Variants in FKTN observed in about 807,000 individuals in gnomAD.
FKTN encodes the protein fukutin, also known as ribitol-5-phosphate transferase FKTN.
A neutral mutation model predicts 58.6 loss-of-function variants in FKTN; 47 were observed. The observed-to-expected ratio is 0.80, with a 90% CI of 0.63 to 1.02. The LOEUF (loss-of-function observed/expected upper bound fraction) is 1.02, where lower values mean the gene tolerates loss of function less well. FKTN is among the 50% of genes least tolerant of loss of function. The pLI, the probability that FKTN is intolerant of heterozygous loss-of-function variation, is 0.00. For missense variants in FKTN, 516 were observed against 537.3 expected (o/e 0.96, Z 0.39); for synonymous variants, 178 against 191.9 (o/e 0.93, Z 0.60).
At chr9:105,563,598 T>G (rs868694844) in intron 1 of FKTN, among the ~76,000 whole-genome samples, 8 of 139,322 alleles carry the variant, frequency 5.7e-5, no homozygotes, top group African/African-American at 1.3e-4. Flanking sequence ...GCAGCGAGGC[T>G]GGGGGGGGGG....
At chr9:105,563,873 C>G (rs937980086) in intron 1 of FKTN, among the ~76,000 whole-genome samples, 2 of 152,224 alleles carry the variant, frequency 1.3e-5, no homozygotes, top group Non-Finnish European at 2.9e-5. Flanking sequence ...GTCCCTGACC[C>G]TCAAGTAGCC....
At chr9:105,623,753 G>A (rs867627909) in intron 10 of FKTN, among the ~76,000 whole-genome samples, 1 of 152,112 alleles carries the variant, frequency 6.6e-6, no homozygotes, top group Non-Finnish European at 1.5e-5. Context: ...AGGATCTCAT[G>A]ATCTAGACCA....
At chr9:105,577,467 T>G (rs1841953559) in intron 3 of FKTN, among the ~76,000 whole-genome samples, 2 of 146,780 alleles carry the variant, frequency 1.4e-5, no homozygotes, top group African/African-American at 5.3e-5. Flanking sequence ...TTGTCAAAGA[T>G]CAGATAGTTG....
rs561736882 is a variant in FKTN, at chr9:105,640,814, C to A, written c.*5550C>A. On this transcript the variant is annotated 3_prime_UTR_variant, in exon 11 of 11. Coordinates refer to ENST00000357998, the MANE Select transcript of FKTN (RefSeq NM_001079802.2). ...TGAAAAAAATAACAGGATTTTACAG[C>A]CTTCTGATGATTCATTCAAAGCATG... is the stretch of plus-strand genomic sequence containing the variant. 6.6e-6 allele frequency: 1 copy of A among 152,094 alleles called. No homozygotes were observed. Among genetic ancestry groups the A allele is most frequent in the African/African-American group, 2.4e-5 (1 of 41,416 alleles). The allele number at this position is 152,094 out of a possible 1,614,324, so 9.4% of individuals were successfully genotyped here. A position where few individuals can be genotyped will look rare whatever the true frequency, so the allele number is the denominator to read the frequency against.
rs775226181 is a variant in FKTN at position 105,601,128 on chromosome 9, C to T, written c.166-17C>T. On this transcript the variant is annotated splice_polypyrimidine_tract_variant and intron_variant, in intron 4 of 10. Coordinates refer to ENST00000357998, the MANE Select transcript of FKTN (RefSeq NM_001079802.2). ...TTGGCTTACTGGAATTACGAGAATT[C>T]TTTTTCTCTCAAACAGCGTGCAGTT... 4 of 1,453,130 alleles carry T rather than the reference C, an allele frequency of 2.8e-6. No homozygotes were observed. In the East Asian group the frequency reaches 9.1e-5, roughly 33 times the overall value. 90.0% of individuals were successfully genotyped at this position (1,453,130 alleles called of 1,614,324 possible). A position where few individuals can be genotyped will look rare whatever the true frequency, so the allele number is the denominator to read the frequency against.
chr9:105,593,671 A>G (rs971139780), intron 3 of FKTN, among the ~76,000 whole-genome samples: 2 of 152,216 alleles, frequency 1.3e-5, no homozygotes, highest in Non-Finnish European at 2.9e-5. Context: ...GGGAAGTAGG[A>G]AGAACTGACA....
rs569301575 is a variant in FKTN at position 105,562,175 on chromosome 9, A to G, written c.-181+4010A>G. Among the ~76,000 whole-genome samples, 39 of 152,356 alleles carry G rather than the reference A, an allele frequency of 2.6e-4. 1 individual carries two copies. Among genetic ancestry groups the G allele is most frequent in the African/African-American group, 9.1e-4 (38 of 41,590 alleles). On this transcript the variant is annotated intron_variant, in intron 1 of 10. Coordinates refer to ENST00000357998, the MANE Select transcript of FKTN (RefSeq NM_001079802.2). ...GAAACCAGTTCACTGAGACTGTGCT[A>G]CTGCAGTAAAGAAACAGCTTACTTA... is the stretch of plus-strand genomic sequence containing the variant.
chr9:105,575,420 A>G (rs1056700307), intron 3 of FKTN, among the ~76,000 whole-genome samples: 3 of 152,214 alleles, frequency 2.0e-5, no homozygotes, highest in African/African-American at 2.4e-5. Context: ...AATGAACTCA[A>G]TGATAAATAA....
chr9:105,636,391 A>T lies in FKTN; in HGVS notation c.*1127A>T. On this transcript the variant is annotated 3_prime_UTR_variant, in exon 11 of 11. Coordinates refer to ENST00000357998, the MANE Select transcript of FKTN (RefSeq NM_001079802.2). ...AAATGGAAGCTAAATGGTGGACTTG[A>T]CAACTATTCACCCTACCTCAGATCA... The T allele has an allele frequency of 1.0e-6, 1 of 986,058 alleles. No homozygotes were observed. Among genetic ancestry groups the T allele is most frequent in the Non-Finnish European group, 1.2e-6 (1 of 830,328 alleles). 61.1% of individuals were successfully genotyped at this position (986,058 alleles called of 1,614,324 possible). A position where few individuals can be genotyped will look rare whatever the true frequency, so the allele number is the denominator to read the frequency against.
intron 1 of FKTN, among the ~76,000 whole-genome samples, chr9:105,570,842 A>G (rs957684646): frequency 6.6e-6 from 1 of 152,184 alleles, no homozygotes. Flanking sequence ...GAGAGGAGCT[A>G]TGAAAAGAAA....
Position 105,583,539 on chromosome 9 carries a change from T to C in FKTN, c.105+8402T>C, listed in dbSNP as rs544119513. Among the ~76,000 whole-genome samples, 12 of 152,336 alleles carry C rather than the reference T, an allele frequency of 7.9e-5. No homozygotes were observed. The South Asian group carries it at 1.7e-3, about 21-fold the overall frequency. On this transcript the variant is annotated intron_variant, in intron 3 of 10. Coordinates refer to ENST00000357998, the MANE Select transcript of FKTN (RefSeq NM_001079802.2). ...GTATTCTTACTTCTTCTTATTTGTG[T>C]CTTTCATATATGTTCCTGATGATGT... is the stretch of plus-strand genomic sequence containing the variant.
At chr9:105,580,098 G>T (rs1842585640) in intron 3 of FKTN, among the ~76,000 whole-genome samples, 1 of 151,910 alleles carries the variant, frequency 6.6e-6, no homozygotes, top group Non-Finnish European at 1.5e-5. Context: ...ACAGCATACT[G>T]GTGGGTCTTG....
At chr9:105,578,192 A>G (rs1842120916) in intron 3 of FKTN, among the ~76,000 whole-genome samples, 1 of 149,562 alleles carries the variant, frequency 6.7e-6, no homozygotes, top group Non-Finnish European at 1.5e-5. Flanking sequence ...CCTGGCCAGA[A>G]CTTCCAACAC....
In FKTN at chr9:105,635,414, C is replaced by A; in HGVS notation, c.*150C>A. On this transcript the variant is annotated 3_prime_UTR_variant, in exon 11 of 11. Transcript: ENST00000357998. The stretch of plus-strand genomic sequence containing the variant: ...ACAGAAAGAGTCATCTGATGTAATT[C>A]TCTCACTTAGTACTGAGGAATTTTC... 6.7e-7 allele frequency: 1 copy of A among 1,493,902 alleles called. No homozygotes were observed. 92.5% of individuals were successfully genotyped at this position (1,493,902 alleles called of 1,614,324 possible). A position where few individuals can be genotyped will look rare whatever the true frequency, so the allele number is the denominator to read the frequency against.
chr9:105,575,570 A>G (rs1841516810), intron 3 of FKTN, among the ~76,000 whole-genome samples: 2 of 152,306 alleles, frequency 1.3e-5, no homozygotes, highest in South Asian at 4.1e-4. Flanking sequence ...GGAAATCAAT[A>G]GCTTCTGAAG....
chr9:105,577,225 G>A (rs1430290198), intron 3 of FKTN, among the ~76,000 whole-genome samples: 13 of 149,880 alleles, frequency 8.7e-5, no homozygotes, highest in African/African-American at 2.8e-4. Flanking sequence ...TTGGTGTTTT[G>A]GACATGAAGT....
rs1483712203 is a variant in FKTN, at chr9:105,636,292, A to G, written c.*1028A>G. 13 of 962,480 alleles carry G rather than the reference A, an allele frequency of 1.4e-5. No individual in the cohort carries two copies. The highest frequency in any genetic ancestry group is 1.6e-5 in the Non-Finnish European group (13 of 809,244). The allele number at this position is 962,480 out of a possible 1,614,324, so 59.6% of individuals were successfully genotyped here. ...AATTACAGCTTCGTATCTCTAATTT[A>G]TGGTCTATATACCAATTTAAATGGC... On this transcript the variant is annotated 3_prime_UTR_variant, in exon 11 of 11. Coordinates refer to ENST00000357998, the MANE Select transcript of FKTN (RefSeq NM_001079802.2).
chr9:105,619,037 C>G (rs1268784942), intron 9 of FKTN, among the ~76,000 whole-genome samples: 1 of 145,114 alleles, frequency 6.9e-6, no homozygotes, highest in South Asian at 2.1e-4. Flanking sequence ...CCAGCCTGGG[C>G]GACAGAGCAA....
chr9:105,611,549 G>A (rs189621229), intron 7 of FKTN, among the ~76,000 whole-genome samples: 40 of 152,046 alleles, frequency 2.6e-4, no homozygotes, highest in Non-Finnish European at 4.3e-4. Context: ...CCCTCTATGC[G>A]TCCATGTGTT....
Sources: allele counts gnomAD v4.1 joint callset (sites outside exome capture counted in the v4.1 genomes callset), GRCh38; gene constraint gnomAD v4.1.1; transcripts MANE v1.5; gene names NCBI Gene and HGNC (gene_info 2026-07-23, HGNC 2026-07-21).